The following PECR variants were observed in gnomAD, a reference collection of about 807,000 sequenced individuals.
PECR encodes the protein 2,4-dienoyl-CoA reductase-related protein.
PECR carries 30 observed loss-of-function variants against 35.3 expected under a neutral mutation model. That is an observed-to-expected ratio of 0.85 (90% confidence interval 0.64 to 1.15). PECR has a LOEUF of 1.15. Ranked by LOEUF, PECR falls within the 50% of genes most tolerant of loss-of-function variation. The probability of loss-of-function intolerance (pLI) is 0.00; values close to 1 mark genes in which losing one functional copy is unlikely to be tolerated. For missense variants in PECR, 392 were observed against 370.8 expected, an observed-to-expected ratio of 1.06 and a Z score of -0.47; for synonymous variants, 148 against 138.9, an observed-to-expected ratio of 1.07 and a Z score of -0.46.
chr2:216,069,036 GGAAGTAGA>G (rs1239786827), intron 1 of PECR, among the ~76,000 whole-genome samples: 1 of 152,128 alleles, frequency 6.6e-6, no homozygotes, highest in African/African-American at 2.4e-5. Context: ...AAGGGGAAAT[GGAAGTAGA>G]GACGGTCCTT....
chr2:216,065,160 C>G, intron 3 of PECR, 152 bp downstream of exon 3: 2 of 708,368 alleles, frequency 2.8e-6, no homozygotes, highest in East Asian at 5.0e-5. Context: ...TGCCAAATTA[C>G]TATACTGAAA....
intron 1 of PECR, among the ~76,000 whole-genome samples, chr2:216,075,248 CAG>C (rs1695675083): frequency 6.6e-6 from 1 of 151,908 alleles, no homozygotes; most frequent in African/African-American, 2.4e-5. Flanking sequence ...GCCTGGGTGA[CAG>C]AGCAAGATCC....
chr2:216,070,549 C>G (rs1695569030), intron 1 of PECR, among the ~76,000 whole-genome samples: 1 of 152,166 alleles, frequency 6.6e-6, no homozygotes, highest in African/African-American at 2.4e-5. Flanking sequence ...ACTACTGTTA[C>G]TACTTACTAT....
intron 1 of PECR, among the ~76,000 whole-genome samples, chr2:216,069,693 T>G (rs560428892): frequency 2.0e-5 from 3 of 152,010 alleles, no homozygotes; most frequent in African/African-American, 7.2e-5. Flanking sequence ...ATCCCAGCAC[T>G]TTGGGAGGTC....
chr2:216,063,249 T>A (rs1028958276), intron 3 of PECR, among the ~76,000 whole-genome samples: 1 of 152,234 alleles, frequency 6.6e-6, no homozygotes, highest in Non-Finnish European at 1.5e-5. Flanking sequence ...CATATAGATG[T>A]ATAAAACTTC....
chr2:216,080,279 T>C (rs1031409336), intron 1 of PECR, among the ~76,000 whole-genome samples: 5 of 152,136 alleles, frequency 3.3e-5, no homozygotes, highest in African/African-American at 4.8e-5. Flanking sequence ...TTTCACCATG[T>C]TGGCCAGGCT....
chr2:216,072,693 A>C (rs1456286632), intron 1 of PECR, among the ~76,000 whole-genome samples: 1 of 152,238 alleles, frequency 6.6e-6, no homozygotes, highest in Non-Finnish European at 1.5e-5. Context: ...CCTGCAAAAG[A>C]CAAGATTTCA....
chr2:216,035,886 A>G (rs982848817), downstream of PECR, among the ~76,000 whole-genome samples: 3 of 152,198 alleles, frequency 2.0e-5, no homozygotes, highest in African/African-American at 7.2e-5. Flanking sequence ...CCTACTAGCC[A>G]GTCCTTCACT....
chr2:216,067,713 G>T (rs1282779146), intron 1 of PECR, among the ~76,000 whole-genome samples: 8 of 151,762 alleles, frequency 5.3e-5, no homozygotes, highest in Non-Finnish European at 1.0e-4. Flanking sequence ...TGCACCACCA[G>T]GCCTGGCTAA....
At chr2:216,040,938 C>G (rs187131616) in intron 7 of PECR, among the ~76,000 whole-genome samples, 1 of 152,114 alleles carries the variant, frequency 6.6e-6, no homozygotes, top group Non-Finnish European at 1.5e-5. Context: ...GAAATAAATA[C>G]TGTATGTGTC....
rs773730447 is a variant in PECR at position 216,058,934 on chromosome 2, T to C, written c.467A>G (p.Asn156Ser). 2 of 1,609,612 alleles carry C rather than the reference T, an allele frequency of 1.2e-6. No individual in the cohort carries two copies. The highest frequency in any genetic ancestry group is 2.2e-5 in the East Asian group (1 of 44,846). ...TCCAGCTTTAGTAGGGACAATGATA[T>C]TGACGATAGATCCTCCATGCTCTTT... is the stretch of plus-strand genomic sequence containing the variant. ...WMKEHGGSIVNIIVPTKAGFP... is the reference protein window; with the variant it reads ...WMKEHGGSIVSIIVPTKAGFP... Residue 156 changes from asparagine to serine, a missense_variant, in exon 4 of 8, where the codon AAT becomes AGT. Physicochemically the swap from Asn to Ser is conservative, Grantham distance 46. Coordinates refer to ENST00000265322, the MANE Select transcript of PECR (RefSeq NM_018441.6).
intron 1 of PECR, 121 bp downstream of exon 1, chr2:216,081,497 G>A: frequency 8.0e-7 from 1 of 1,255,916 alleles, no homozygotes; most frequent in Non-Finnish European, 1.2e-6. Flanking sequence ...GCCCACACCT[G>A]CCCCGTCTTT....
Position 216,074,078 on chromosome 2 carries a change from T to C in PECR, c.124+7540A>G, listed in dbSNP as rs564748795. 5.3e-5 allele frequency among the ~76,000 whole-genome samples: 8 copies of C among 152,336 alleles called. No homozygotes were observed. The South Asian group carries it at 1.7e-3, about 32-fold the overall frequency. ...CTCCACCCACTTCTTTCTTTGATAT[T>C]TCTGCCTTCAACATACACATTTTTT... On this transcript the variant is annotated intron_variant, in intron 1 of 7. Transcript: ENST00000265322.
At chr2:216,051,695 C>A in intron 4 of PECR, 150 bp from the exon 5 acceptor site, 6 of 684,728 alleles carry the variant, frequency 8.8e-6, no homozygotes, top group Admixed American at 4.5e-5. Flanking sequence ...GTCTAAACAA[C>A]GAAGAAAAAA....
intron 3 of PECR, among the ~76,000 whole-genome samples, chr2:216,063,733 T>G (rs1225765019): frequency 3.3e-5 from 5 of 152,140 alleles, no homozygotes; most frequent in Non-Finnish European, 7.3e-5. Flanking sequence ...ATTTATTTAT[T>G]TGAAACAGAG....
intron 4 of PECR, among the ~76,000 whole-genome samples, chr2:216,054,371 C>CTT (rs34214360): frequency 1.6e-4 from 16 of 102,764 alleles, no homozygotes; most frequent in African/African-American, 4.6e-4. Context: ...TTTTTTCTTT[C>CTT]TTTTTTTTTT....
rs747346067 is a variant in PECR at position 216,065,394 on chromosome 2, G to A, written c.342C>T (p.Ser114=). The stretch of plus-strand genomic sequence containing the variant: ...CCTTAGAACTGATGTGTTCAGCAGG[G>A]GAAAGAAACTGGCCTCCTCCATTGT... ...LVNNGGGQFL[S]PAEHISSKGW... The change falls in exon 3 of 8, where the codon TCC becomes TCT. Residue 114 remains serine, a synonymous_variant. Coordinates refer to ENST00000265322, the MANE Select transcript of PECR (RefSeq NM_018441.6). 81 of 1,607,462 alleles carry A rather than the reference G, an allele frequency of 5.0e-5. No individual in the cohort carries two copies. Among genetic ancestry groups the A allele is most frequent in the Non-Finnish European group, 6.8e-5 (80 of 1,174,056 alleles).
At chr2:216,055,294 G>A (rs1695202467) in intron 4 of PECR, among the ~76,000 whole-genome samples, 1 of 151,306 alleles carries the variant, frequency 6.6e-6, no homozygotes, top group Non-Finnish European at 1.5e-5. Context: ...TAAATTAGCC[G>A]GGCATGGTGA....
intron 1 of PECR, among the ~76,000 whole-genome samples, chr2:216,078,826 G>A (rs893868609): frequency 6.6e-6 from 1 of 152,074 alleles, no homozygotes; most frequent in Admixed American, 6.5e-5. Context: ...CTTATTCCAG[G>A]GGTGTAGTTT....
Sources: gnomAD v4.1 joint callset for allele counts (sites outside exome capture counted in the v4.1 genomes callset) on GRCh38, gnomAD v4.1.1 for gene constraint, MANE v1.5 for transcripts, NCBI Gene and HGNC (gene_info 2026-07-23, HGNC 2026-07-21) for gene names.